The following CEP112 variants were observed in gnomAD, a reference collection of about 807,000 sequenced individuals.
The protein encoded by CEP112 is centrosomal protein of 112 kDa.
A neutral mutation model predicts 153.0 loss-of-function variants in CEP112; 127 were observed. The observed-to-expected ratio is 0.83, with a 90% CI of 0.72 to 0.96. The LOEUF (loss-of-function observed/expected upper bound fraction) is 0.96, where lower values mean the gene tolerates loss of function less well. Among genes scored for constraint, CEP112 ranks in the 40% least tolerant of loss-of-function variants. The pLI is 0.00. For missense variants in CEP112, 1,089 were observed against 1,101.2 expected (o/e 0.99, Z 0.16); for synonymous variants, 358 against 374.4 (o/e 0.96, Z 0.51).
chr17:66,134,385 A>G (rs1371263378), intron 4 of CEP112, among the ~76,000 whole-genome samples: 1 of 152,180 alleles, frequency 6.6e-6, no homozygotes, highest in African/African-American at 2.4e-5. Flanking sequence ...TCAATCAACT[A>G]CAGTATGACT....
At chr17:66,116,315 T>C (rs1346019793) in intron 6 of CEP112, among the ~76,000 whole-genome samples, 1 of 152,158 alleles carries the variant, frequency 6.6e-6, no homozygotes, top group African/African-American at 2.4e-5. Flanking sequence ...CACCATAAAG[T>C]TTTCCGTTTT....
intron 23 of CEP112, 111 bp downstream of exon 23, chr17:65,742,957 G>T (rs2051217218): frequency 1.3e-6 from 1 of 773,240 alleles, no homozygotes; most frequent in Non-Finnish European, 2.0e-6. Context: ...ACTGCAGGCT[G>T]TGTGAACAAG....
intron 20 of CEP112, among the ~76,000 whole-genome samples, chr17:65,887,354 A>G (rs1224910838): frequency 6.6e-6 from 1 of 152,226 alleles, no homozygotes; most frequent in Non-Finnish European, 1.5e-5. Context: ...CATGATATAC[A>G]GAAAATTTTA....
rs923382515 is a variant in CEP112 at position 66,059,452 on chromosome 17, C to CA, written c.1074+3510dup. On this transcript the variant is annotated intron_variant, in intron 11 of 26. Coordinates refer to ENST00000535342, the MANE Select transcript of CEP112 (RefSeq NM_001199165.4). Reference sequence around the variant, plus strand: ...TATAAAGAACTCAACAATTCAACAACAAAAAACAAATAACCCCATTAAAAA... The same window carrying CA: ...TATAAAGAACTCAACAATTCAACAACAAAAAAACAAATAACCCCATTAAAAA... Among the ~76,000 whole-genome samples, 101 of 151,998 alleles carry CA rather than the reference C, an allele frequency of 6.6e-4. 1 individual carries two copies. The highest frequency in any genetic ancestry group is 2.0e-3 in the Admixed American group (30 of 15,260).
chr17:65,900,741 T>C (rs1451623052), intron 20 of CEP112, among the ~76,000 whole-genome samples: 5 of 152,104 alleles, frequency 3.3e-5, no homozygotes, highest in African/African-American at 1.2e-4. Context: ...CTAGACAATA[T>C]TCCTAATAAA....
chr17:66,149,888 G>GTTTTTTTT lies in CEP112; in HGVS notation c.471-17133_471-17126dup, dbSNP rs71160535. Among the ~76,000 whole-genome samples the GTTTTTTTT allele has an allele frequency of 5.8e-3, 318 of 54,680 alleles. 2 individuals are homozygous for GTTTTTTTT. The highest frequency in any genetic ancestry group is 7.8e-3 in the Non-Finnish European group (254 of 32,708). The allele number at this position is 54,680 out of a possible 152,430, so 35.9% of individuals were successfully genotyped here. A position where few individuals can be genotyped will look rare whatever the true frequency, so the allele number is the denominator to read the frequency against. ...TTAGGGTTTTTTTTTTTGTTTGTTT[G>GTTTTTTTT]TTTTTTTTTTTTTTTTTTTTTGAGA... On this transcript the variant is annotated intron_variant, in intron 4 of 26. Coordinates refer to ENST00000535342, the MANE Select transcript of CEP112 (RefSeq NM_001199165.4).
At chr17:65,825,859 TAGCTCACAATCTACC>T (rs2056815426) in intron 21 of CEP112, among the ~76,000 whole-genome samples, 1 of 152,172 alleles carries the variant, frequency 6.6e-6, no homozygotes, top group African/African-American at 2.4e-5. Flanking sequence ...AAAATGCCAT[TAGCTCACAATCTACC>T]TCTTCCAGAA....
chr17:65,692,170 C>T (rs2048135521), intron 23 of CEP112, among the ~76,000 whole-genome samples: 1 of 151,774 alleles, frequency 6.6e-6, no homozygotes, highest in African/African-American at 2.4e-5. Context: ...AGGCTCCATG[C>T]AGTTAACTAC....
chr17:65,776,484 CA>C (rs2145580011), intron 21 of CEP112, among the ~76,000 whole-genome samples: 1 of 152,332 alleles, frequency 6.6e-6, no homozygotes, highest in African/African-American at 2.4e-5. Context: ...CTTGGCCTCC[CA>C]AAGTTCTGGG....
chr17:66,048,673 G>C (rs1300680081), intron 12 of CEP112, among the ~76,000 whole-genome samples: 2 of 151,706 alleles, frequency 1.3e-5, no homozygotes, highest in East Asian at 3.9e-4. Flanking sequence ...GCAGTGGCGT[G>C]ATCTCGGCTC....
chr17:65,915,072 ACCTT>A (rs1349669328), intron 19 of CEP112, among the ~76,000 whole-genome samples: 2 of 151,966 alleles, frequency 1.3e-5, no homozygotes, highest in African/African-American at 4.8e-5. Context: ...ACCTTCTTAG[ACCTT>A]CCTTTTACCT....
intron 19 of CEP112, among the ~76,000 whole-genome samples, chr17:65,908,630 G>A (rs2143752897): frequency 6.6e-6 from 1 of 151,602 alleles, no homozygotes. Context: ...GGAGGTGGAG[G>A]TTGCGGTGAG....
chr17:65,749,318 C>G (rs1406102956), intron 22 of CEP112, among the ~76,000 whole-genome samples: 1 of 151,872 alleles, frequency 6.6e-6, no homozygotes. Context: ...ACCAGCCTGA[C>G]CAATATGGTG....
At chr17:65,742,913 G>T (rs759631603) in intron 23 of CEP112, among the ~76,000 whole-genome samples, 155 bp downstream of exon 23, 20 of 152,204 alleles carry the variant, frequency 1.3e-4, no homozygotes, top group Non-Finnish European at 2.4e-4. Context: ...TGAGTCACTG[G>T]ATACATCAAA....
chr17:65,651,309 A>C (rs1255612008), intron 24 of CEP112, among the ~76,000 whole-genome samples: 2 of 152,160 alleles, frequency 1.3e-5, no homozygotes, highest in African/African-American at 4.8e-5. Context: ...TTGCATATAG[A>C]CCACAGTTTC....
intron 24 of CEP112, among the ~76,000 whole-genome samples, chr17:65,652,462 T>C (rs988724412): frequency 6.6e-6 from 1 of 152,088 alleles, no homozygotes; most frequent in Non-Finnish European, 1.5e-5. Context: ...TATGACTTAA[T>C]GGAGATTTTT....
At chr17:65,883,894 T>A (rs2059179297) in intron 20 of CEP112, among the ~76,000 whole-genome samples, 1 of 152,142 alleles carries the variant, frequency 6.6e-6, no homozygotes, top group African/African-American at 2.4e-5. Flanking sequence ...ATCTATAGAA[T>A]TTACTGACAG....
At chr17:65,915,004 C>T (rs2060423148) in intron 19 of CEP112, among the ~76,000 whole-genome samples, 1 of 152,192 alleles carries the variant, frequency 6.6e-6, no homozygotes, top group Non-Finnish European at 1.5e-5. Context: ...ACACCTGAAA[C>T]AAGTGGTTAC....
chr17:65,926,391 A>G (rs1028381017), intron 19 of CEP112, among the ~76,000 whole-genome samples: 8 of 152,156 alleles, frequency 5.3e-5, no homozygotes, highest in Non-Finnish European at 8.8e-5. Flanking sequence ...GGCAAAGGCT[A>G]TAAAGGTACC....
Sources: allele counts gnomAD v4.1 joint callset (sites outside exome capture counted in the v4.1 genomes callset), GRCh38; gene constraint gnomAD v4.1.1; transcripts MANE v1.5; gene names NCBI Gene and HGNC (gene_info 2026-07-23, HGNC 2026-07-21).